The following NOVA1 variants were observed in gnomAD, a reference collection of about 807,000 sequenced individuals.
NOVA1 encodes NOVA alternative splicing regulator 1.
In NOVA1, 7 loss-of-function variants were observed where a neutral mutation model predicts 38.0. That is an observed-to-expected ratio of 0.18 (90% CI 0.10 to 0.35). The LOEUF (loss-of-function observed/expected upper bound fraction) is 0.35. Among genes scored for constraint, NOVA1 ranks in the 10% least tolerant of loss-of-function variants. The pLI, the probability that NOVA1 is intolerant of heterozygous loss-of-function variation, is 1.00. For missense variants in NOVA1, 460 were observed against 616.0 expected, an observed-to-expected ratio of 0.75 and a Z score of 2.68; for synonymous variants, 270 against 232.5, an observed-to-expected ratio of 1.16 and a Z score of -1.47.
At chr14:26,567,842 T>C (rs991053425) in intron 2 of NOVA1, among the ~76,000 whole-genome samples, 1 of 152,182 alleles carries the variant, frequency 6.6e-6, no homozygotes, top group Non-Finnish European at 1.5e-5. Flanking sequence ...TTTTAAAAAA[T>C]AGTTTTTCCA....
At chr14:26,526,359 C>A (rs2138527478) in intron 2 of NOVA1, among the ~76,000 whole-genome samples, 1 of 152,196 alleles carries the variant, frequency 6.6e-6, no homozygotes, top group East Asian at 1.9e-4. Flanking sequence ...TTCAGTCATT[C>A]TTATAATTTC....
At chr14:26,543,267 G>A (rs1055346937) in intron 2 of NOVA1, among the ~76,000 whole-genome samples, 2 of 151,682 alleles carry the variant, frequency 1.3e-5, no homozygotes, top group South Asian at 2.1e-4. Context: ...TTGGAACAAG[G>A]AGAAAAATAA....
intron 2 of NOVA1, among the ~76,000 whole-genome samples, chr14:26,592,471 C>T (rs1201590658): frequency 1.3e-5 from 2 of 150,562 alleles, no homozygotes; most frequent in African/African-American, 4.9e-5. Flanking sequence ...TTTTGTAAAA[C>T]AGATAAATGG....
chr14:26,512,322 C>T (rs61986513), intron 2 of NOVA1, among the ~76,000 whole-genome samples: 27,292 of 152,098 alleles, frequency 0.18, 2,669 homozygotes, highest in East Asian at 0.33. Context: ...ATTAGTACTT[C>T]TAACTACAAA....
At chr14:26,590,732 G>A (rs914167013) in intron 2 of NOVA1, among the ~76,000 whole-genome samples, 1 of 151,614 alleles carries the variant, frequency 6.6e-6, no homozygotes, top group Non-Finnish European at 1.5e-5. Context: ...TCACCAACAT[G>A]TTTAAACTAT....
chr14:26,463,914 C>T (rs1459499523), intron 4 of NOVA1, among the ~76,000 whole-genome samples: 4 of 152,144 alleles, frequency 2.6e-5, no homozygotes, highest in Non-Finnish European at 4.4e-5. Context: ...TTATACATTA[C>T]TCTGGACCAG....
chr14:26,506,888 T>C (rs529512718), intron 2 of NOVA1, among the ~76,000 whole-genome samples: 20 of 152,210 alleles, frequency 1.3e-4, no homozygotes, highest in African/African-American at 4.3e-4. Flanking sequence ...CCAACAACTG[T>C]TCTTTAAGGA....
At chr14:26,539,167 T>C (rs980896747) in intron 2 of NOVA1, among the ~76,000 whole-genome samples, 2 of 152,162 alleles carry the variant, frequency 1.3e-5, no homozygotes, top group African/African-American at 4.8e-5. Flanking sequence ...TCCACGAACA[T>C]AGAGACTTCC....
At chr14:26,474,764 A>G (rs1379221584) in intron 3 of NOVA1, among the ~76,000 whole-genome samples, 1 of 151,990 alleles carries the variant, frequency 6.6e-6, no homozygotes, top group Middle Eastern at 3.4e-3. Flanking sequence ...TCAAGTTGTA[A>G]GAGTGTTGAA....
chr14:26,477,170 G>A (rs546612139), intron 3 of NOVA1, among the ~76,000 whole-genome samples: 1 of 152,144 alleles, frequency 6.6e-6, no homozygotes, highest in African/African-American at 2.4e-5. Context: ...AAGGCATTTA[G>A]TAAATTCATA....
intron 4 of NOVA1, among the ~76,000 whole-genome samples, chr14:26,464,164 T>C (rs867877835): frequency 3.6e-4 from 55 of 152,190 alleles, no homozygotes; most frequent in African/African-American, 1.2e-3. Flanking sequence ...TAAGTTCCCA[T>C]ATATAGTCAT....
At chr14:26,496,382 TC>T (rs1281809403) in intron 2 of NOVA1, among the ~76,000 whole-genome samples, 3 of 152,214 alleles carry the variant, frequency 2.0e-5, no homozygotes, top group Non-Finnish European at 4.4e-5. Context: ...CATTATAGAT[TC>T]TGGATATTAG....
rs184545106 is a variant in NOVA1, at chr14:26,554,213, G to A, written c.280+41197C>T. On this transcript the variant is annotated intron_variant, in intron 2 of 4. Transcript: ENST00000539517. Reference sequence around the variant, plus strand: ...GAAGGAAGGGAGGGAGGGAGGGAGGGAGGACTAGTCAGTGTGAGGCAGTGG... The same window carrying A: ...GAAGGAAGGGAGGGAGGGAGGGAGGAAGGACTAGTCAGTGTGAGGCAGTGG... Among the ~76,000 whole-genome samples, 13 of 142,046 alleles carry A rather than the reference G, an allele frequency of 9.2e-5. No homozygotes were observed. In the East Asian group the frequency reaches 3.1e-3, roughly 34 times the overall value. The allele number at this position is 142,046 out of a possible 152,430, so 93.2% of individuals were successfully genotyped here.
chr14:26,515,452 T>C (rs889233464), intron 2 of NOVA1, among the ~76,000 whole-genome samples: 2 of 152,138 alleles, frequency 1.3e-5, no homozygotes, highest in East Asian at 3.9e-4. Context: ...TAGTCGTCAA[T>C]TGTCAGGCAC....
intron 2 of NOVA1, among the ~76,000 whole-genome samples, chr14:26,528,470 GAA>G (rs925736385): frequency 6.6e-6 from 1 of 152,160 alleles, no homozygotes; most frequent in Non-Finnish European, 1.5e-5. Context: ...GGGTGGATTA[GAA>G]AAAGAGTGAA....
At chr14:26,509,396 T>A (rs1005438865) in intron 2 of NOVA1, among the ~76,000 whole-genome samples, 1 of 152,080 alleles carries the variant, frequency 6.6e-6, no homozygotes, top group Non-Finnish European at 1.5e-5. Flanking sequence ...AGTGAAAAGA[T>A]TGAAATACAT....
At chr14:26,450,484 T>A (rs1390302333) in intron 4 of NOVA1, among the ~76,000 whole-genome samples, 1 of 152,112 alleles carries the variant, frequency 6.6e-6, no homozygotes, top group East Asian at 1.9e-4. Context: ...ATTAATACAA[T>A]CATTTCATTT....
chr14:26,451,440 T>C (rs531611323), intron 4 of NOVA1, among the ~76,000 whole-genome samples: 23 of 152,206 alleles, frequency 1.5e-4, no homozygotes, highest in Middle Eastern at 3.2e-3. Flanking sequence ...CAATCTCGAC[T>C]CACTGCAACC....
At chr14:26,569,820 C>A (rs1321032161) in intron 2 of NOVA1, among the ~76,000 whole-genome samples, 1 of 152,180 alleles carries the variant, frequency 6.6e-6, no homozygotes, top group Non-Finnish European at 1.5e-5. Flanking sequence ...TTTACTTCTT[C>A]AACAGCATAC....
Sources: allele counts gnomAD v4.1 joint callset (sites outside exome capture counted in the v4.1 genomes callset), GRCh38; gene constraint gnomAD v4.1.1; transcripts MANE v1.5; gene names NCBI Gene and HGNC (gene_info 2026-07-23, HGNC 2026-07-21).